Variants in NSA2 observed in about 807,000 individuals in gnomAD.
The protein encoded by NSA2 is ribosome biogenesis protein NSA2 homolog.
Under a neutral mutation model 34.8 loss-of-function variants are expected in NSA2, and 18 were observed. The observed-to-expected ratio is 0.52, with a 90% CI of 0.36 to 0.77. The LOEUF (loss-of-function observed/expected upper bound fraction) is 0.77. Among genes scored for constraint, NSA2 ranks in the 30% least tolerant of loss-of-function variants. The pLI, the probability that NSA2 is intolerant of heterozygous loss-of-function variation, is 0.00. For synonymous variants in NSA2, 79 were observed against 100.2 expected (o/e 0.79, Z 1.26); for missense variants, 188 against 314.7 (o/e 0.60, Z 3.05).
At chr5:74,773,538 C>T (rs143617842) in intron 4 of NSA2, among the ~76,000 whole-genome samples, 1 of 151,588 alleles carries the variant, frequency 6.6e-6, no homozygotes, top group Non-Finnish European at 1.5e-5. Flanking sequence ...TACTCAGGAG[C>T]CTGAGGTGGG....
At chr5:74,770,331 TAAAAA>T (rs58512296) in intron 3 of NSA2, among the ~76,000 whole-genome samples, 2 of 101,534 alleles carry the variant, frequency 2.0e-5, no homozygotes, top group African/African-American at 3.5e-5. Context: ...AGACTCCATC[TAAAAA>T]AAAAAAAAAA....
At chr5:74,768,782 A>G (rs748834158) in intron 1 of NSA2, 149 bp from the exon 2 acceptor site, 7 of 590,932 alleles carry the variant, frequency 1.2e-5, no homozygotes, top group Non-Finnish European at 1.7e-5. Context: ...TTTAACTTAC[A>G]TCATGTGAAT....
Position 74,771,149 on chromosome 5 carries a change from G to A in NSA2, c.522+339G>A, listed in dbSNP as rs946156972. ...CAAAAAATAAGCTGGGCGTGGTGGC[G>A]GGCGCCTGTAATCCCAGCTACTAGG... On this transcript the variant is annotated intron_variant, in intron 4 of 5. Coordinates refer to ENST00000610426, the MANE Select transcript of NSA2 (RefSeq NM_014886.6). Among the ~76,000 whole-genome samples the A allele has an allele frequency of 5.3e-5, 8 of 151,646 alleles. No individual in the cohort carries two copies. In the South Asian group the frequency reaches 1.3e-3, roughly 24 times the overall value.
chr5:74,768,916 C>T lies in NSA2; in HGVS notation c.4-15C>T. ...ACTTTAAAAAATTAAAATAATATTT[C>T]TTCCATCATTATAGCCACAGAATGA... On this transcript the variant is annotated splice_polypyrimidine_tract_variant and intron_variant, in intron 1 of 5. Coordinates refer to ENST00000610426, the MANE Select transcript of NSA2 (RefSeq NM_014886.6). The T allele has an allele frequency of 6.6e-7, 1 of 1,523,672 alleles. No individual in the cohort carries two copies. The highest frequency in any genetic ancestry group is 8.8e-7 in the Non-Finnish European group (1 of 1,133,392). The allele number at this position is 1,523,672 out of a possible 1,614,324, so 94.4% of individuals were successfully genotyped here.
chr5:74,773,612 C>T (rs1448030247), intron 4 of NSA2, among the ~76,000 whole-genome samples: 2 of 152,116 alleles, frequency 1.3e-5, no homozygotes, highest in Non-Finnish European at 2.9e-5. Context: ...TGCACTCTGG[C>T]GTGGGCAACT....
rs1001505663 is a variant in NSA2 at position 74,779,481 on chromosome 5, A to G, written c.*2810A>G. 6 of 152,180 alleles carry G rather than the reference A, an allele frequency of 3.9e-5. No individual in the cohort carries two copies. Among genetic ancestry groups the G allele is most frequent in the African/African-American group, 1.4e-4 (6 of 41,448 alleles). 9.4% of individuals were successfully genotyped at this position (152,180 alleles called of 1,614,324 possible). A position where few individuals can be genotyped will look rare whatever the true frequency, so the allele number is the denominator to read the frequency against. On this transcript the variant is annotated 3_prime_UTR_variant, in exon 6 of 6. Coordinates refer to ENST00000610426, the MANE Select transcript of NSA2 (RefSeq NM_014886.6). ...AATAAAATATCTACAAGTGTTTTCAAATCTAAGAAATGAAACATGTAAAGA... is the reference window on the plus strand; with the variant it reads ...AATAAAATATCTACAAGTGTTTTCAGATCTAAGAAATGAAACATGTAAAGA...
At chr5:74,776,138 T>G (rs1745109932) in intron 5 of NSA2, among the ~76,000 whole-genome samples, 1 of 152,260 alleles carries the variant, frequency 6.6e-6, no homozygotes, top group South Asian at 2.1e-4. Context: ...CTTAAATGAT[T>G]GAATTTTGTA....
At chr5:74,769,455 A>G (rs1440105432) in intron 3 of NSA2, 91 bp downstream of exon 3, 2 of 1,056,682 alleles carry the variant, frequency 1.9e-6, no homozygotes, top group Non-Finnish European at 2.7e-6. Flanking sequence ...AATTTCAAAC[A>G]TGAAGTACAG....
In NSA2 at chr5:74,778,318, T is replaced by C. The variant is rs899559668; in HGVS notation, c.*1647T>C. On this transcript the variant is annotated 3_prime_UTR_variant, in exon 6 of 6. Coordinates refer to ENST00000610426, the MANE Select transcript of NSA2 (RefSeq NM_014886.6). ...TATGTACATTAAGATCTGTTTCAGT[T>C]TGCTGGTGTGACCAAACCTTAGAAG... 1 of 152,056 alleles carries C rather than the reference T, an allele frequency of 6.6e-6. No homozygotes were observed. The highest frequency in any genetic ancestry group is 2.4e-5 in the African/African-American group (1 of 41,450). 9.4% of individuals were successfully genotyped at this position (152,056 alleles called of 1,614,324 possible). A position where few individuals can be genotyped will look rare whatever the true frequency, so the allele number is the denominator to read the frequency against.
chr5:74,773,779 T>C (rs1056216201), intron 4 of NSA2, 89 bp from the exon 5 acceptor site: 5 of 968,110 alleles, frequency 5.2e-6, no homozygotes, highest in South Asian at 2.0e-5. Context: ...TTTTTGGAGA[T>C]GGTTGAAAAA....
At chr5:74,775,411 T>G (rs867787940) in intron 5 of NSA2, among the ~76,000 whole-genome samples, 77 of 152,086 alleles carry the variant, frequency 5.1e-4, no homozygotes, top group Middle Eastern at 6.8e-3. Flanking sequence ...AGACTGGAGT[T>G]GGAGACCAGC....
chr5:74,776,118 C>T (rs1255643132), intron 5 of NSA2, among the ~76,000 whole-genome samples: 1 of 152,208 alleles, frequency 6.6e-6, no homozygotes, highest in Non-Finnish European at 1.5e-5. Flanking sequence ...ATTCAGAACT[C>T]AAATTTGTCC....
intron 4 of NSA2, among the ~76,000 whole-genome samples, chr5:74,771,037 G>A (rs1183495251): frequency 6.6e-6 from 1 of 152,148 alleles, no homozygotes; most frequent in African/African-American, 2.4e-5. Flanking sequence ...CAGCACTTTG[G>A]GAGGTTGAGG....
chr5:74,776,880 A>G lies in NSA2; in HGVS notation c.*209A>G. The stretch of plus-strand genomic sequence containing the variant: ...TGTTCATAAAACTGAATGATTGAAA[A>G]AAAGCAAATATACAAATATCCTACT... On this transcript the variant is annotated 3_prime_UTR_variant, in exon 6 of 6. Coordinates refer to ENST00000610426, the MANE Select transcript of NSA2 (RefSeq NM_014886.6). 1 of 397,722 alleles carries G rather than the reference A, an allele frequency of 2.5e-6. No individual in the cohort carries two copies. Among genetic ancestry groups the G allele is most frequent in the Non-Finnish European group, 4.6e-6 (1 of 219,344 alleles). The allele number at this position is 397,722 out of a possible 1,614,324, so 24.6% of individuals were successfully genotyped here.
chr5:74,772,117 CTGAG>C (rs1171503500), intron 4 of NSA2, among the ~76,000 whole-genome samples: 1 of 150,306 alleles, frequency 6.7e-6, no homozygotes, highest in Admixed American at 6.6e-5. Flanking sequence ...AGTGTTCAAC[CTGAG>C]TAATTTTTTT....
chr5:74,776,568 C>T (rs1327469515), intron 5 of NSA2, 36 bp from the exon 6 acceptor site: 1 of 1,075,558 alleles, frequency 9.3e-7, no homozygotes. Context: ...AGCTAACAAC[C>T]CTCCCTTTTC....
At chr5:74,774,102 A>G (rs1745033820) in intron 5 of NSA2, 42 bp downstream of exon 5, 12 of 1,359,742 alleles carry the variant, frequency 8.8e-6, no homozygotes, top group Non-Finnish European at 1.2e-5. Flanking sequence ...GTTCTGCAGT[A>G]CTAATAGAAA....
chr5:74,774,104 T>A, intron 5 of NSA2, 44 bp downstream of exon 5: 1 of 1,329,042 alleles, frequency 7.5e-7, no homozygotes, highest in Non-Finnish European at 1.1e-6. Flanking sequence ...TCTGCAGTAC[T>A]AATAGAAATA....
At chr5:74,769,948 C>T (rs1744862305) in intron 3 of NSA2, among the ~76,000 whole-genome samples, 4 of 152,204 alleles carry the variant, frequency 2.6e-5, no homozygotes, top group Admixed American at 1.3e-4. Context: ...AGATCCATCT[C>T]GGGAAGAAAT....
Sources: gnomAD v4.1 joint callset for allele counts (sites outside exome capture counted in the v4.1 genomes callset) on GRCh38, gnomAD v4.1.1 for gene constraint, MANE v1.5 for transcripts, NCBI Gene and HGNC (gene_info 2026-07-23, HGNC 2026-07-21) for gene names.